Variants in GPHN observed in about 807,000 individuals in gnomAD.
The protein encoded by GPHN is gephyrin.
In GPHN, 17 loss-of-function variants were observed where a neutral mutation model predicts 95.5. The ratio of observed to expected loss-of-function variants is 0.18; its 90% CI spans 0.12 to 0.27. The LOEUF (loss-of-function observed/expected upper bound fraction) is 0.27, where lower values mean the gene tolerates loss of function less well. Among genes scored for constraint, GPHN ranks in the 10% least tolerant of loss-of-function variants. The pLI is 1.00. For synonymous variants in GPHN, 320 were observed against 322.5 expected, an observed-to-expected ratio of 0.99 and a Z score of 0.08; for missense variants, 660 against 978.1, an observed-to-expected ratio of 0.67 and a Z score of 4.34.
At chr14:67,273,776 C>A in the GPHN span, among the ~76,000 whole-genome samples, 1 of 152,180 alleles carries the variant, frequency 6.6e-6, no homozygotes, top group African/African-American at 2.4e-5. Context: ...ACATCCTCTC[C>A]GGCACCTGTT....
chr14:66,719,592 C>T (rs1025298690), intron 2 of GPHN, among the ~76,000 whole-genome samples: 2 of 152,052 alleles, frequency 1.3e-5, no homozygotes, highest in African/African-American at 2.4e-5. Flanking sequence ...CAAAATTCAC[C>T]GTGTGAACCT....
chr14:67,579,317 G>A, the GPHN span: 404 of 1,502,072 alleles, frequency 2.7e-4, no homozygotes, highest in Admixed American at 4.4e-4. Context: ...ACCATGTGAG[G>A]AGCTGGGCGT....
chr14:66,925,883 C>A (rs2066459139), intron 8 of GPHN, among the ~76,000 whole-genome samples: 1 of 152,168 alleles, frequency 6.6e-6, no homozygotes, highest in Admixed American at 6.6e-5. Flanking sequence ...AACAAGTGTT[C>A]CCCTTTCTCC....
intron 2 of GPHN, among the ~76,000 whole-genome samples, chr14:66,717,042 T>G (rs1316372791): frequency 6.6e-6 from 1 of 152,170 alleles, no homozygotes; most frequent in African/African-American, 2.4e-5. Flanking sequence ...TGCCTAGGTC[T>G]CTAGCAAGAC....
the GPHN span, among the ~76,000 whole-genome samples, chr14:67,230,311 C>T: frequency 3.3e-5 from 5 of 152,086 alleles, no homozygotes; most frequent in African/African-American, 1.2e-4. Context: ...TGGATGTGGT[C>T]TCTCATGCCT....
At chr14:67,105,513 A>T (rs903059855) in intron 13 of GPHN, among the ~76,000 whole-genome samples, 1 of 152,134 alleles carries the variant, frequency 6.6e-6, no homozygotes, top group African/African-American at 2.4e-5. Context: ...GGGTGATCCC[A>T]TGTTCAATGC....
intron 2 of GPHN, among the ~76,000 whole-genome samples, chr14:66,712,040 G>T (rs1218650096): frequency 3.9e-5 from 6 of 152,002 alleles, no homozygotes; most frequent in Admixed American, 3.9e-4. Context: ...GAATAGTGCC[G>T]CAATAAACAT....
the GPHN span, chr14:67,572,025 C>T: frequency 6.8e-7 from 1 of 1,479,870 alleles, no homozygotes; most frequent in East Asian, 2.5e-5. Context: ...AGCTCCACCC[C>T]CAGCCCCAGA....
the GPHN span, among the ~76,000 whole-genome samples, chr14:67,474,218 C>G: frequency 6.6e-6 from 1 of 151,838 alleles, no homozygotes; most frequent in Non-Finnish European, 1.5e-5. Flanking sequence ...CGCCACTGCA[C>G]TCCAGCCTGG....
chr14:67,350,819 C>A, the GPHN span: 1 of 838,492 alleles, frequency 1.2e-6, no homozygotes, highest in South Asian at 2.0e-5. Flanking sequence ...GGTTTGATAA[C>A]GACAAACAGA....
chr14:67,063,229 A>T (rs1468680150), intron 11 of GPHN, among the ~76,000 whole-genome samples: 2 of 152,332 alleles, frequency 1.3e-5, no homozygotes, highest in East Asian at 3.9e-4. Context: ...ATTGTCAAAG[A>T]TCAGATGGTT....
the GPHN span, among the ~76,000 whole-genome samples, chr14:67,492,615 A>AT: frequency 6.6e-6 from 1 of 152,346 alleles, no homozygotes; most frequent in Non-Finnish European, 1.5e-5. Context: ...GGAGGCAGAA[A>AT]GAAGCCCAGC....
chr14:67,484,355 T>C, the GPHN span, among the ~76,000 whole-genome samples: 2 of 152,228 alleles, frequency 1.3e-5, no homozygotes, highest in African/African-American at 4.8e-5. Flanking sequence ...TAAACACTGA[T>C]GAGGGCAGGT....
intron 5 of GPHN, among the ~76,000 whole-genome samples, chr14:66,905,543 G>C (rs1013568015): frequency 6.6e-6 from 1 of 152,010 alleles, no homozygotes; most frequent in Non-Finnish European, 1.5e-5. Context: ...CCAGTGTTCT[G>C]TCTGGCTTGT....
the GPHN span, chr14:67,199,362 A>G: frequency 4.2e-5 from 67 of 1,614,094 alleles, no homozygotes; most frequent in Non-Finnish European, 5.5e-5. Context: ...GTAGGGGCCA[A>G]CATTTTCAAT....
intron 1 of GPHN, among the ~76,000 whole-genome samples, chr14:66,664,174 A>G (rs1159604221): frequency 1.3e-5 from 2 of 152,208 alleles, no homozygotes; most frequent in Non-Finnish European, 2.9e-5. Context: ...AACAGACTAT[A>G]CATTCTTCTC....
In GPHN at chr14:66,583,340, G is replaced by C. The variant is rs554830454; in HGVS notation, c.64+74749G>C. 7.2e-5 allele frequency among the ~76,000 whole-genome samples: 11 copies of C among 152,240 alleles called. No homozygotes were observed. In the East Asian group the frequency reaches 2.1e-3, roughly 29 times the overall value. ...TTTTCTCCCAATCTGTAGGTTGCCT[G>C]TTCACTCTGATGGTAGTTTCTTTTG... On this transcript the variant is annotated intron_variant, in intron 1 of 22. Transcript: ENST00000478722.
At chr14:66,886,404 T>C (rs2064191139) in intron 5 of GPHN, among the ~76,000 whole-genome samples, 1 of 152,168 alleles carries the variant, frequency 6.6e-6, no homozygotes, top group African/African-American at 2.4e-5. Flanking sequence ...GTGTGAAGAT[T>C]CATATTGTAG....
chr14:67,628,101 T>C, the GPHN span, among the ~76,000 whole-genome samples: 1 of 152,210 alleles, frequency 6.6e-6, no homozygotes, highest in Non-Finnish European at 1.5e-5. Flanking sequence ...AGCTGAGGCA[T>C]GAGCTGATAA....
Sources: gnomAD v4.1 joint callset for allele counts (sites outside exome capture counted in the v4.1 genomes callset) on GRCh38, gnomAD v4.1.1 for gene constraint, MANE v1.5 for transcripts, NCBI Gene and HGNC (gene_info 2026-07-23, HGNC 2026-07-21) for gene names.